Variants in METTL15 observed in about 807,000 individuals in gnomAD.
METTL15 encodes methyltransferase 15, mitochondrial 12S rRNA N4-cytidine, also known as 12S rRNA N(4)-cytidine methyltransferase METTL15.
METTL15 carries 34 observed loss-of-function variants against 38.3 expected under a neutral mutation model. The ratio of observed to expected loss-of-function variants is 0.89; its 90% CI spans 0.68 to 1.18. The LOEUF (loss-of-function observed/expected upper bound fraction) is 1.18. Among genes scored for constraint, METTL15 ranks in the 50% most tolerant of loss-of-function variants. METTL15 has a pLI of 0.00. For missense variants in METTL15, 438 were observed against 498.4 expected (o/e 0.88, Z 1.15); for synonymous variants, 162 against 170.9 (o/e 0.95, Z 0.41).
intron 6 of METTL15, among the ~76,000 whole-genome samples, chr11:28,483,334 A>C (rs1324782200): frequency 2.0e-5 from 3 of 152,204 alleles, no homozygotes; most frequent in East Asian, 1.9e-4. Flanking sequence ...ATTGATGTTC[A>C]TAGCTCCATC....
intron 6 of METTL15, among the ~76,000 whole-genome samples, chr11:28,424,770 C>T (rs536665844): frequency 8.4e-4 from 128 of 152,226 alleles, no homozygotes; most frequent in African/African-American, 3.0e-3. Context: ...TATGATTTAT[C>T]ACATAAGGCC....
chr11:28,237,984 C>T (rs1480264564), intron 4 of METTL15, among the ~76,000 whole-genome samples: 2 of 152,044 alleles, frequency 1.3e-5, no homozygotes, highest in Non-Finnish European at 2.9e-5. Flanking sequence ...AGAGGAGTAC[C>T]CGGCCGTATG....
intron 3 of METTL15, among the ~76,000 whole-genome samples, chr11:28,199,196 A>G (rs963234006): frequency 6.6e-6 from 1 of 152,104 alleles, no homozygotes; most frequent in Non-Finnish European, 1.5e-5. Context: ...TTTTACATGA[A>G]TCAATGTTTT....
downstream of METTL15, among the ~76,000 whole-genome samples, chr11:28,528,488 G>A (rs1374054324): frequency 3.9e-5 from 6 of 152,114 alleles, no homozygotes; most frequent in African/African-American, 1.4e-4. Context: ...AGCGTGATTG[G>A]TTAAGCTCTT....
intron 6 of METTL15, among the ~76,000 whole-genome samples, chr11:28,434,995 C>G (rs920199678): frequency 2.6e-5 from 4 of 152,200 alleles, no homozygotes; most frequent in South Asian, 4.1e-4. Context: ...CCAAACAAGT[C>G]ATCTGTTTAA....
intron 4 of METTL15, among the ~76,000 whole-genome samples, chr11:28,352,339 C>T (rs1590342206): frequency 6.6e-6 from 1 of 152,254 alleles, no homozygotes; most frequent in African/African-American, 2.4e-5. Context: ...TGAGATCCTT[C>T]AGGGAAGGAC....
At chr11:28,124,728 C>T (rs943128809) in intron 3 of METTL15, among the ~76,000 whole-genome samples, 6 of 152,130 alleles carry the variant, frequency 3.9e-5, no homozygotes, top group Admixed American at 2.6e-4. Flanking sequence ...TCTCTAGCAC[C>T]GAGGTACCAT....
chr11:28,436,545 A>G (rs1850983523), intron 6 of METTL15, among the ~76,000 whole-genome samples: 1 of 150,676 alleles, frequency 6.6e-6, no homozygotes, highest in Admixed American at 6.6e-5. Context: ...CCTCCTCCAT[A>G]TATCTCTGAC....
chr11:28,462,631 C>G (rs1475921517), intron 6 of METTL15, among the ~76,000 whole-genome samples: 1 of 151,980 alleles, frequency 6.6e-6, no homozygotes, highest in African/African-American at 2.4e-5. Context: ...TCTCTTCAGG[C>G]AGCCTCATGG....
At chr11:28,161,854 A>G (rs1850478414) in intron 3 of METTL15, among the ~76,000 whole-genome samples, 1 of 152,118 alleles carries the variant, frequency 6.6e-6, no homozygotes, top group African/African-American at 2.4e-5. Context: ...TTGAAAATGA[A>G]AATTACAATT....
At chr11:28,264,350 T>A (rs888739891) in intron 4 of METTL15, among the ~76,000 whole-genome samples, 1 of 152,130 alleles carries the variant, frequency 6.6e-6, no homozygotes, top group Non-Finnish European at 1.5e-5. Context: ...TATGAGAAAT[T>A]TCTGTGCTTT....
At chr11:28,154,195 A>T (rs1408715436) in intron 3 of METTL15, among the ~76,000 whole-genome samples, 3 of 152,158 alleles carry the variant, frequency 2.0e-5, no homozygotes, top group African/African-American at 7.2e-5. Context: ...CAGGCTGTGG[A>T]GCCAGACTGC....
intron 5 of METTL15, chr11:28,410,832 G>T (rs954818979): frequency 2.0e-5 from 3 of 151,962 alleles, no homozygotes; most frequent in African/African-American, 7.2e-5. Context: ...AAGTAAAATT[G>T]TCTTTATTTT....
chr11:28,505,938 C>T (rs552481072), intron 6 of METTL15, among the ~76,000 whole-genome samples: 31 of 152,298 alleles, frequency 2.0e-4, no homozygotes, highest in Admixed American at 1.7e-3. Flanking sequence ...AAGTTCCCAG[C>T]TGTAAAGGCA....
chr11:28,321,193 TG>T (rs1397715685), intron 6 of METTL15, among the ~76,000 whole-genome samples: 2 of 152,210 alleles, frequency 1.3e-5, no homozygotes, highest in Non-Finnish European at 2.9e-5. Flanking sequence ...GAGTACTTTA[TG>T]CCCAGTATGC....
intron 5 of METTL15, among the ~76,000 whole-genome samples, chr11:28,370,913 TGTTGA>T (rs2133375141): frequency 6.6e-6 from 1 of 152,220 alleles, no homozygotes; most frequent in Admixed American, 6.5e-5. Flanking sequence ...GTTTTCATGC[TGTTGA>T]GTTGTTTGAG....
At chr11:28,251,842 C>T (rs1854758692) in intron 4 of METTL15, among the ~76,000 whole-genome samples, 1 of 152,038 alleles carries the variant, frequency 6.6e-6, no homozygotes, top group Non-Finnish European at 1.5e-5. Flanking sequence ...AGTCACTGCC[C>T]AATGACTATA....
intron 5 of METTL15, among the ~76,000 whole-genome samples, chr11:28,365,459 TAA>T (rs1412127096): frequency 6.6e-6 from 1 of 152,204 alleles, no homozygotes; most frequent in Admixed American, 6.5e-5. Context: ...TTTGTGTGCA[TAA>T]AAGTGTTTAT....
intron 5 of METTL15, among the ~76,000 whole-genome samples, chr11:28,390,609 C>T (rs1340991375): frequency 1.3e-5 from 2 of 152,172 alleles, no homozygotes; most frequent in Non-Finnish European, 2.9e-5. Flanking sequence ...GGTACTAGTA[C>T]CAGGCTGTTT....
Sources: allele counts gnomAD v4.1 joint callset (sites outside exome capture counted in the v4.1 genomes callset), GRCh38; gene constraint gnomAD v4.1.1; transcripts MANE v1.5; gene names NCBI Gene and HGNC (gene_info 2026-07-23, HGNC 2026-07-21).